Variants in EFNA2 observed in about 807,000 individuals in gnomAD.
EFNA2 encodes ephrin-A2.
Under a neutral mutation model 19.7 loss-of-function variants are expected in EFNA2, and 18 were observed. The observed-to-expected ratio is 0.91, with a 90% CI of 0.63 to 1.35. EFNA2 has a LOEUF of 1.35. Ranked by LOEUF, EFNA2 falls within the 40% of genes most tolerant of loss-of-function variation. The pLI, the probability that EFNA2 is intolerant of heterozygous loss-of-function variation, is 0.00. For missense variants in EFNA2, 303 were observed against 296.0 expected, an observed-to-expected ratio of 1.02 and a Z score of -0.17; for synonymous variants, 187 against 137.8, an observed-to-expected ratio of 1.36 and a Z score of -2.50.
At position 1,298,555 on chromosome 19, in the gene EFNA2, C is replaced by G. The variant is rs750932890; in HGVS notation, c.459C>G (p.Ala153=). ...RPGHEYYYIS[A]TPPNAVDRPC... ...TCCCCATCCCCTCTCTTCTAGCTGC[C>G]ACGCCTCCCAATGCTGTGGACCGGC... Residue 153 remains alanine, a synonymous_variant, in exon 3 of 4, where the codon GCC becomes GCG. Transcript: ENST00000215368. The G allele has an allele frequency of 3.7e-6, 6 of 1,613,976 alleles. No individual in the cohort carries two copies. The highest frequency in any genetic ancestry group is 5.1e-6 in the Non-Finnish European group (6 of 1,179,982).
rs1382870023 is a variant in EFNA2 at position 1,299,684 on chromosome 19, T to C, written c.521-140T>C. ...TTGCCCGGAGAGTGGGCATCGGGGA[T>C]GGCACCAAGAGGGAGCAGAGGGCCT... On this transcript the variant is annotated intron_variant, in intron 3 of 3. Coordinates refer to ENST00000215368, the MANE Select transcript of EFNA2 (RefSeq NM_001405.4). 9 of 1,139,100 alleles carry C rather than the reference T, an allele frequency of 7.9e-6. No individual in the cohort carries two copies. In the East Asian group the frequency reaches 2.7e-4, roughly 35 times the overall value. 70.6% of individuals were successfully genotyped at this position (1,139,100 alleles called of 1,614,324 possible).
intron 1 of EFNA2, among the ~76,000 whole-genome samples, chr19:1,293,394 A>C (rs748545724): frequency 1.3e-5 from 2 of 152,250 alleles, no homozygotes; most frequent in Non-Finnish European, 2.9e-5. Flanking sequence ...GCTGAGGCCG[A>C]GCCCATCTCC....
chr19:1,290,702 C>T (rs1293643737), intron 1 of EFNA2, among the ~76,000 whole-genome samples: 2 of 152,182 alleles, frequency 1.3e-5, no homozygotes, highest in Non-Finnish European at 2.9e-5. Context: ...GTGTGTGGGA[C>T]CAGCCTCTCC....
At chr19:1,288,922 G>A (rs2081478688) in intron 1 of EFNA2, among the ~76,000 whole-genome samples, 1 of 152,348 alleles carries the variant, frequency 6.6e-6, no homozygotes, top group Admixed American at 6.5e-5. Context: ...CCCGCATCGG[G>A]CTGGGGCGTC....
At position 1,300,241 on chromosome 19, in the gene EFNA2, ATTTTTTTTTTTTTTTTTTTT is replaced by A. The variant is rs58281257; in HGVS notation, c.*312_*331del. Reference sequence around the variant, plus strand: ...CGGAGAACCCGGGAACCTCTTGGCGATTTTTTTTTTTTTTTTTTTTTTTTTTTTTTTTTTTAGTGTATTTT... The same window carrying A: ...CGGAGAACCCGGGAACCTCTTGGCGATTTTTTTTTTTTTTTAGTGTATTTT... On this transcript the variant is annotated 3_prime_UTR_variant, in exon 4 of 4. Transcript: ENST00000215368. 134 of 42,704 alleles carry A rather than the reference ATTTTTTTTTTTTTTTTTTTT, an allele frequency of 3.1e-3. 2 individuals carry two copies. The highest frequency in any genetic ancestry group is 0.019 in the East Asian group (9 of 480). 2.6% of individuals were successfully genotyped at this position (42,704 alleles called of 1,614,324 possible).
At position 1,296,657 on chromosome 19, in the gene EFNA2, G is replaced by GA. The variant is rs1208202054; in HGVS notation, c.454+806dup. Among the ~76,000 whole-genome samples, 2 of 151,950 alleles carry GA rather than the reference G, an allele frequency of 1.3e-5. No individual in the cohort carries two copies. The highest frequency in any genetic ancestry group is 4.8e-5 in the African/African-American group (2 of 41,486). On this transcript the variant is annotated intron_variant, in intron 2 of 3. Coordinates refer to ENST00000215368, the MANE Select transcript of EFNA2 (RefSeq NM_001405.4). This position sits in a 1 kb window ranked among gnomAD's most constrained non-coding sequence, Gnocchi z 4.4. ...GAGCGAGACCCTGTCTTTAAAAGAA[G>GA]AAAAAAACCCCACAGGGCCCCTGCC... is the stretch of plus-strand genomic sequence containing the variant.
intron 1 of EFNA2, among the ~76,000 whole-genome samples, chr19:1,288,862 G>C (rs1002188835): frequency 6.6e-6 from 1 of 152,204 alleles, no homozygotes; most frequent in African/African-American, 2.4e-5. Flanking sequence ...AACCTGGGCT[G>C]GGTACCCCTG....
rs1456342664 is a variant in EFNA2 at position 1,301,279 on chromosome 19, C to T, written c.*1334C>T. Among the ~76,000 whole-genome samples the T allele has an allele frequency of 1.0e-5, 1 of 98,542 alleles. No individual in the cohort carries two copies. Among genetic ancestry groups the T allele is most frequent in the African/African-American group, 4.0e-5 (1 of 24,972 alleles). 64.6% of individuals were successfully genotyped at this position (98,542 alleles called of 152,430 possible). On this transcript the variant is annotated 3_prime_UTR_variant, in exon 4 of 4. Transcript: ENST00000215368. ...GCCGGCCGGCGGCTCGAGGCACGCC[C>T]GGTGGTGGGGGGTGGGCAGAGGGCT...
intron 1 of EFNA2, among the ~76,000 whole-genome samples, chr19:1,288,740 C>T (rs1325472716): frequency 6.6e-6 from 1 of 152,098 alleles, no homozygotes; most frequent in Non-Finnish European, 1.5e-5. Context: ...CCCAGGGGAC[C>T]CCGCACCCAC....
At chr19:1,292,389 C>T (rs528834311) in intron 1 of EFNA2, among the ~76,000 whole-genome samples, 29 of 152,390 alleles carry the variant, frequency 1.9e-4, no homozygotes, top group African/African-American at 7.0e-4. Flanking sequence ...TTGCAAAGTC[C>T]TCGCCTCTTG....
At chr19:1,292,619 G>A (rs1293477725) in intron 1 of EFNA2, among the ~76,000 whole-genome samples, 1 of 152,164 alleles carries the variant, frequency 6.6e-6, no homozygotes, top group Non-Finnish European at 1.5e-5. Context: ...CCGGGAGGCT[G>A]GTGTGGCTGG....
At chr19:1,289,205 T>C (rs2081480330) in intron 1 of EFNA2, among the ~76,000 whole-genome samples, 1 of 152,206 alleles carries the variant, frequency 6.6e-6, no homozygotes, top group African/African-American at 2.4e-5. Flanking sequence ...ATGAGGTGCA[T>C]GTGTGTGCAT....
intron 1 of EFNA2, among the ~76,000 whole-genome samples, chr19:1,291,745 CTTAGCTA>C (rs1267866331): frequency 6.6e-6 from 1 of 152,232 alleles, no homozygotes; most frequent in Non-Finnish European, 1.5e-5. Context: ...TAATTAGTCG[CTTAGCTA>C]TTAGCGTCTA....
upstream of EFNA2, among the ~76,000 whole-genome samples, chr19:1,285,271 C>T (rs1017304313): frequency 6.6e-6 from 1 of 152,184 alleles, no homozygotes; most frequent in Non-Finnish European, 1.5e-5. This position sits in a 1 kb window ranked among gnomAD's most constrained non-coding sequence, Gnocchi z 4.1. Context: ...TTGCTGTCGG[C>T]CGGGGCTTCA....
At chr19:1,291,546 G>A (rs934299969) in intron 1 of EFNA2, among the ~76,000 whole-genome samples, 1 of 152,140 alleles carries the variant, frequency 6.6e-6, no homozygotes, top group Non-Finnish European at 1.5e-5. Context: ...TTCAGGACCC[G>A]GGCTGCCTGC....
Position 1,287,509 on chromosome 19 carries a change from C to T in EFNA2, c.140+1201C>T, listed in dbSNP as rs994299860. 9.9e-5 allele frequency among the ~76,000 whole-genome samples: 15 copies of T among 152,234 alleles called. No individual in the cohort carries two copies. Among genetic ancestry groups the T allele is most frequent in the South Asian group, 4.1e-4 (2 of 4,828 alleles). ...TCTGTCTCCTGCTGTCCTCGGTCCC[C>T]GGGAGGAAAGTTGCATGAAGGGGTC... is the stretch of plus-strand genomic sequence containing the variant. On this transcript the variant is annotated intron_variant, in intron 1 of 3. Coordinates refer to ENST00000215368, the MANE Select transcript of EFNA2 (RefSeq NM_001405.4). This position sits in a 1 kb window ranked among gnomAD's most constrained non-coding sequence, Gnocchi z 6.2.
Position 1,286,260 on chromosome 19 carries a change from G to C in EFNA2, c.92G>C (p.Arg31Pro). The C allele has an allele frequency of 8.9e-7, 1 of 1,125,438 alleles. No homozygotes were observed. The highest frequency in any genetic ancestry group is 1.1e-6 in the Non-Finnish European group (1 of 905,384). The allele number at this position is 1,125,438 out of a possible 1,614,324, so 69.7% of individuals were successfully genotyped here. A position where few individuals can be genotyped will look rare whatever the true frequency, so the allele number is the denominator to read the frequency against. The stretch of plus-strand genomic sequence containing the variant: ...TTCGCGCGCGCCGAGGACGCCGCCC[G>C]CGCCAACTCGGACCGCTACGCCGTC... The part of the protein sequence containing the change: ...PPFARAEDAA[R>P]ANSDRYAVYW... The change falls in exon 1 of 4, where the codon CGC becomes CCC. Residue 31 changes from arginine to proline, a missense_variant. Physicochemically the swap from Arg to Pro is moderately radical, Grantham distance 103 (BLOSUM62 -2). Coordinates refer to ENST00000215368, the MANE Select transcript of EFNA2 (RefSeq NM_001405.4). This position sits in a 1 kb window ranked among gnomAD's most constrained non-coding sequence, Gnocchi z 5.6.
Position 1,296,754 on chromosome 19 carries a change from C to T in EFNA2, c.454+896C>T, listed in dbSNP as rs767838775. ...CCCCGCACCCACCCCCGCATCTCCC[C>T]GGGACCCATGCCAGGCTCGGAGACT... On this transcript the variant is annotated intron_variant, in intron 2 of 3. Coordinates refer to ENST00000215368, the MANE Select transcript of EFNA2 (RefSeq NM_001405.4). This position sits in a 1 kb window ranked among gnomAD's most constrained non-coding sequence, Gnocchi z 4.4. Among the ~76,000 whole-genome samples the T allele has an allele frequency of 5.3e-5, 8 of 152,202 alleles. No individual in the cohort carries two copies. The highest frequency in any genetic ancestry group is 1.0e-4 in the Non-Finnish European group (7 of 68,042).
rs758971090 is a variant in EFNA2, at chr19:1,298,628, G to A, written c.520+12G>A. On this transcript the variant is annotated intron_variant, in intron 3 of 3. Coordinates refer to ENST00000215368, the MANE Select transcript of EFNA2 (RefSeq NM_001405.4). Reference sequence around the variant, plus strand: ...CGTGCGGCCGACCAGTAAGTGCTCAGGGGGATGGGCAGGATCCAGGCCCCC... The same window carrying A: ...CGTGCGGCCGACCAGTAAGTGCTCAAGGGGATGGGCAGGATCCAGGCCCCC... 1.9e-5 allele frequency: 30 copies of A among 1,613,388 alleles called. No individual in the cohort carries two copies. The highest frequency in any genetic ancestry group is 3.3e-4 in the Middle Eastern group (2 of 6,082).
Sources: allele counts gnomAD v4.1 joint callset (sites outside exome capture counted in the v4.1 genomes callset), GRCh38; gene constraint gnomAD v4.1.1; non-coding constraint Gnocchi (gnomAD v3.1); transcripts MANE v1.5; gene names NCBI Gene and HGNC (gene_info 2026-07-23, HGNC 2026-07-21).